IFFO2: variants seen among roughly 807,000 people sequenced by gnomAD.
IFFO2 encodes the protein intermediate filament family orphan 2.
In IFFO2, 19 loss-of-function variants were observed where a neutral mutation model predicts 53.5. The ratio of observed to expected loss-of-function variants is 0.36; its 90% CI spans 0.25 to 0.52. The LOEUF is 0.52. IFFO2 is among the 20% of genes least tolerant of loss of function. IFFO2 has a pLI of 0.94. For missense variants in IFFO2, 570 were observed against 727.4 expected, an observed-to-expected ratio of 0.78 and a Z score of 2.49; for synonymous variants, 303 against 313.6, an observed-to-expected ratio of 0.97 and a Z score of 0.36.
chr1:18,955,625 G>C (rs765854629), intron 1 of IFFO2, 43 bp downstream of exon 1: 73 of 1,523,918 alleles, frequency 4.8e-5, no homozygotes, highest in Middle Eastern at 2.3e-4. Flanking sequence ...GCCTGGACCT[G>C]GGCGCCCCGT....
At chr1:18,933,100 GATTAAGAGT>G (rs1438785426) in intron 1 of IFFO2, among the ~76,000 whole-genome samples, 3 of 152,246 alleles carry the variant, frequency 2.0e-5, no homozygotes, top group Non-Finnish European at 4.4e-5. Context: ...CACAGAAGTG[GATTAAGAGT>G]ATTCTCTTCC....
At chr1:18,931,807 T>C (rs533939976) in intron 1 of IFFO2, among the ~76,000 whole-genome samples, 1 of 152,186 alleles carries the variant, frequency 6.6e-6, no homozygotes, top group Non-Finnish European at 1.5e-5. Context: ...TCTGATGGTG[T>C]CTCGTCGGCT....
intron 7 of IFFO2, among the ~76,000 whole-genome samples, chr1:18,910,836 G>C (rs1056812154): frequency 6.6e-6 from 1 of 152,238 alleles, no homozygotes; most frequent in African/African-American, 2.4e-5. Flanking sequence ...CCTCTATCAA[G>C]TGATACTTCC....
chr1:18,952,276 G>A (rs574284483), intron 1 of IFFO2, among the ~76,000 whole-genome samples: 5 of 152,140 alleles, frequency 3.3e-5, no homozygotes, highest in African/African-American at 7.2e-5. Flanking sequence ...CATTTCCCAC[G>A]TGGTAAAGAC....
In IFFO2 at chr1:18,917,157, G is replaced by A. The variant is rs78284463; in HGVS notation, c.964-115C>T. ...AGGATGATGAGCGTGACTGGGGCCG[G>A]CCAGTGCCAGGAAAGGTGCAGGTCC... On this transcript the variant is annotated intron_variant, in intron 4 of 8. Coordinates refer to ENST00000455833, the MANE Select transcript of IFFO2 (RefSeq NM_001136265.2). The surrounding 1 kb of genome is among the most constrained non-coding windows in gnomAD (Gnocchi z 5.9). The A allele has an allele frequency of 0.056, 66,653 of 1,196,848 alleles. 2,107 individuals are homozygous for A. The highest frequency in any genetic ancestry group is 0.084 in the East Asian group (3,256 of 38,950). 74.1% of individuals were successfully genotyped at this position (1,196,848 alleles called of 1,614,324 possible).
Position 18,955,858 on chromosome 1 carries a change from C to G in IFFO2, c.475G>C (p.Gly159Arg). ...ACCTGCGTGTAGCTCCAGATGGTCC[C>G]GGGCAGGCGGCCGTAGTGCTGCGGG... ...SHPQHYGRLP[G>R]TIWSYTQVRR... Residue 159 changes from glycine (G) to arginine (R), a missense_variant, in exon 1 of 9, where the codon GGG becomes CGG. Gly to Arg is a moderately radical substitution (Grantham distance 125). Transcript: ENST00000455833. 1.4e-6 allele frequency: 2 copies of G among 1,457,072 alleles called. No individual in the cohort carries two copies. Among genetic ancestry groups the G allele is most frequent in the Admixed American group, 2.6e-5 (1 of 38,086 alleles). 90.3% of individuals were successfully genotyped at this position (1,457,072 alleles called of 1,614,324 possible). A position where few individuals can be genotyped will look rare whatever the true frequency, so the allele number is the denominator to read the frequency against.
rs1189363448 is a variant in IFFO2 at position 18,907,944 on chromosome 1, G to A, written c.*617C>T. The A allele has an allele frequency of 6.5e-6, 1 of 153,364 alleles. No homozygotes were observed. The highest frequency in any genetic ancestry group is 2.4e-5 in the African/African-American group (1 of 41,474). The allele number at this position is 153,364 out of a possible 1,614,324, so 9.5% of individuals were successfully genotyped here. A position where few individuals can be genotyped will look rare whatever the true frequency, so the allele number is the denominator to read the frequency against. On this transcript the variant is annotated 3_prime_UTR_variant, in exon 9 of 9. Transcript: ENST00000455833. ...CTCGATCCCCCCAAAAAATTAAAAT[G>A]TGTCCTCCTTCCCTTCCTTCCACCT...
chr1:18,940,957 T>C (rs1282472649), intron 1 of IFFO2, among the ~76,000 whole-genome samples: 1 of 152,194 alleles, frequency 6.6e-6, no homozygotes, highest in Non-Finnish European at 1.5e-5. Context: ...TAGAATTCCC[T>C]TTCCAAAGCT....
chr1:18,913,181 GGCC>G (rs1936065858), intron 5 of IFFO2, among the ~76,000 whole-genome samples: 1 of 152,248 alleles, frequency 6.6e-6, no homozygotes, highest in Admixed American at 6.5e-5. Context: ...GTCCCAAGAA[GGCC>G]GTCTGGTAAA....
rs76487756 is a variant in IFFO2, at chr1:18,936,893, G to T, written c.666-15772C>A. Among the ~76,000 whole-genome samples the T allele has an allele frequency of 6.6e-6, 1 of 151,286 alleles. No individual in the cohort carries two copies. ...CTCAGTCTCCTCACCTGTAAAATGGGTGAGAATGACCCCACCTGGATTCAA... is the reference window on the plus strand; with the variant it reads ...CTCAGTCTCCTCACCTGTAAAATGGTTGAGAATGACCCCACCTGGATTCAA... On this transcript the variant is annotated intron_variant, in intron 1 of 8. Coordinates refer to ENST00000455833, the MANE Select transcript of IFFO2 (RefSeq NM_001136265.2). The surrounding 1 kb of genome is among the most constrained non-coding windows in gnomAD (Gnocchi z 4.5).
chr1:18,929,803 G>A (rs368481882), intron 1 of IFFO2, among the ~76,000 whole-genome samples: 1 of 152,178 alleles, frequency 6.6e-6, no homozygotes, highest in Non-Finnish European at 1.5e-5. Flanking sequence ...AGCTGGCTCC[G>A]TGATCTTGGG....
chr1:18,935,392 G>A (rs1222310891), intron 1 of IFFO2, among the ~76,000 whole-genome samples: 2 of 152,052 alleles, frequency 1.3e-5, no homozygotes, highest in African/African-American at 4.8e-5. Context: ...AGGCTGAATA[G>A]CATCCCCCCA....
At chr1:18,910,083 G>C (rs1310040420) in intron 8 of IFFO2, among the ~76,000 whole-genome samples, 4 of 152,200 alleles carry the variant, frequency 2.6e-5, no homozygotes, top group African/African-American at 4.8e-5. Flanking sequence ...CACAGAGCAG[G>C]CCTTTGGCAA....
At chr1:18,911,922 C>T (rs1211713779) in intron 6 of IFFO2, 41 bp downstream of exon 6, 1 of 1,549,772 alleles carries the variant, frequency 6.5e-7, no homozygotes, top group Non-Finnish European at 8.7e-7. Flanking sequence ...GTCCCCCAGA[C>T]CCCTAGTCCT....
In IFFO2 at chr1:18,919,399, C is replaced by T. The variant is rs1204164778; in HGVS notation, c.822+279G>A. ...CGAGCTGGGAAGGAGTGGGAGCAAA[C>T]ACACACAGACCATCAGGGGAGCCCG... On this transcript the variant is annotated intron_variant, in intron 3 of 8. Transcript: ENST00000455833. This position sits in a 1 kb window ranked among gnomAD's most constrained non-coding sequence, Gnocchi z 4.9. 6.6e-6 allele frequency among the ~76,000 whole-genome samples: 1 copy of T among 151,982 alleles called. No homozygotes were observed. Among genetic ancestry groups the T allele is most frequent in the Non-Finnish European group, 1.5e-5 (1 of 68,008 alleles).
intron 1 of IFFO2, among the ~76,000 whole-genome samples, chr1:18,921,933 T>C (rs1465211022): frequency 2.0e-5 from 3 of 152,156 alleles, no homozygotes; most frequent in Non-Finnish European, 4.4e-5. Context: ...AGCAGTTCCC[T>C]GGGACTGGAT....
intron 1 of IFFO2, among the ~76,000 whole-genome samples, chr1:18,940,274 G>C (rs1340842891): frequency 1.3e-5 from 2 of 152,240 alleles, no homozygotes; most frequent in African/African-American, 4.8e-5. Flanking sequence ...TGACACAGCA[G>C]AGAAGCAGAA....
At chr1:18,941,347 G>A (rs6679392) in intron 1 of IFFO2, among the ~76,000 whole-genome samples, 1 of 152,218 alleles carries the variant, frequency 6.6e-6, no homozygotes, top group Non-Finnish European at 1.5e-5. Context: ...TCCCACCTTG[G>A]GGGGTGATGT....
intron 6 of IFFO2, 23 bp from the exon 7 acceptor site, chr1:18,911,499 A>T (rs1395951313): frequency 2.0e-6 from 2 of 1,010,640 alleles, no homozygotes. Flanking sequence ...AACAAACGGG[A>T]CAGTTTATTT....
Sources: gnomAD v4.1 joint callset for allele counts (sites outside exome capture counted in the v4.1 genomes callset) on GRCh38, gnomAD v4.1.1 for gene constraint, Gnocchi (gnomAD v3.1) non-coding constraint, MANE v1.5 for transcripts, NCBI Gene and HGNC (gene_info 2026-07-23, HGNC 2026-07-21) for gene names.